Variants in RANBP2 observed in about 807,000 individuals in gnomAD.
RANBP2 encodes the protein RAN binding protein 2.
In RANBP2, 57 loss-of-function variants were observed where a neutral mutation model predicts 303.6. That is an observed-to-expected ratio of 0.19 (90% CI 0.15 to 0.23). The LOEUF (loss-of-function observed/expected upper bound fraction) is 0.23. Among genes scored for constraint, RANBP2 ranks in the 10% least tolerant of loss-of-function variants. The pLI is 1.00. For missense variants in RANBP2, 3,138 were observed against 3,780.8 expected (o/e 0.83, Z 4.46); for synonymous variants, 1,167 against 1,301.5 (o/e 0.90, Z 2.23).
chr2:108,790,053 A>C (rs376768360), downstream of RANBP2, among the ~76,000 whole-genome samples: 2 of 152,188 alleles, frequency 1.3e-5, no homozygotes, highest in African/African-American at 4.8e-5. Context: ...GACTTTTTTT[A>C]ATACAGTTTT....
At chr2:109,401,572 C>T in the RANBP2 span, among the ~76,000 whole-genome samples, 7 of 152,314 alleles carry the variant, frequency 4.6e-5, no homozygotes, top group South Asian at 1.2e-3. Context: ...AAGCTGCCCT[C>T]GGTGTTCCTT....
chr2:108,745,914 T>C (rs1203963810), intron 7 of RANBP2, among the ~76,000 whole-genome samples: 1 of 151,424 alleles, frequency 6.6e-6, no homozygotes, highest in Admixed American at 6.6e-5. Context: ...TTTTTTTTTT[T>C]TCTTTTTTTG....
chr2:109,485,840 T>C, the RANBP2 span, among the ~76,000 whole-genome samples: 3 of 152,248 alleles, frequency 2.0e-5, no homozygotes, highest in Non-Finnish European at 2.9e-5. Flanking sequence ...ACCTAGATCT[T>C]GAGAGCCAGG....
chr2:109,445,163 G>GA, the RANBP2 span, among the ~76,000 whole-genome samples: 2,073 of 152,310 alleles, frequency 0.014, 60 homozygotes, highest in African/African-American at 0.047. Context: ...TGAAAAATGT[G>GA]AAAGAGATGT....
the RANBP2 span, among the ~76,000 whole-genome samples, chr2:109,723,316 A>G: frequency 6.6e-6 from 1 of 151,846 alleles, no homozygotes; most frequent in Non-Finnish European, 1.5e-5. Context: ...ACGCCCGGCT[A>G]ATTTTTGTGT....
At position 108,767,572 on chromosome 2, in the gene RANBP2, G is replaced by T. The variant is rs779065979; in HGVS notation, c.7033G>T (p.Asp2345Tyr). 2 of 1,611,968 alleles carry T rather than the reference G, an allele frequency of 1.2e-6. No individual in the cohort carries two copies. Among genetic ancestry groups the T allele is most frequent in the Admixed American group, 1.7e-5 (1 of 60,012 alleles). The change falls in exon 20 of 29, where the codon GAT becomes TAT. Residue 2345 changes from aspartate to tyrosine, a missense_variant. Asp to Tyr is a radical substitution (Grantham distance 160, BLOSUM62 -3). Coordinates refer to ENST00000283195, the MANE Select transcript of RANBP2 (RefSeq NM_006267.5). ...GGCAAAACTCTACAGATATGATAAA[G>T]ATGTTGGTCAATGGAAAGAAAGGGG... The part of the protein sequence containing the change: ...HRAKLYRYDK[D>Y]VGQWKERGIG...
At chr2:109,002,637 C>T in the RANBP2 span, among the ~76,000 whole-genome samples, 10 of 152,154 alleles carry the variant, frequency 6.6e-5, 1 homozygote, top group Admixed American at 1.3e-4. Flanking sequence ...CTCTGCTCCC[C>T]GGCCACCCTC....
intron 4 of RANBP2, among the ~76,000 whole-genome samples, chr2:108,732,922 C>G (rs991860995): frequency 2.6e-5 from 4 of 152,194 alleles, no homozygotes; most frequent in African/African-American, 9.7e-5. Context: ...CTCCCAGGTT[C>G]AAGCGATTCT....
chr2:109,612,774 G>A, the RANBP2 span, among the ~76,000 whole-genome samples: 2 of 152,134 alleles, frequency 1.3e-5, no homozygotes, highest in Non-Finnish European at 2.9e-5. Flanking sequence ...GAAAATTTGA[G>A]ATTTTTAAAA....
the RANBP2 span, among the ~76,000 whole-genome samples, chr2:109,150,667 T>G: frequency 6.6e-6 from 1 of 152,034 alleles, no homozygotes; most frequent in Non-Finnish European, 1.5e-5. Flanking sequence ...CTGCCTCTGG[T>G]TCCAGTCTGG....
downstream of RANBP2, chr2:108,788,121 C>A: frequency 6.3e-7 from 1 of 1,589,192 alleles, no homozygotes; most frequent in Admixed American, 1.9e-5. Flanking sequence ...TTGGGGGTTT[C>A]AAAAATTTAA....
the RANBP2 span, among the ~76,000 whole-genome samples, chr2:109,635,344 G>A: frequency 0.22 from 33,039 of 152,008 alleles, 4,032 homozygotes; most frequent in Admixed American, 0.34. Context: ...CACAATGCCC[G>A]ACTAATTATT....
the RANBP2 span, among the ~76,000 whole-genome samples, chr2:109,490,025 AC>A: frequency 6.6e-6 from 1 of 152,208 alleles, no homozygotes; most frequent in South Asian, 2.1e-4. Flanking sequence ...GGCATGAGCC[AC>A]CGTGCCCAGC....
At chr2:108,929,486 A>G in the RANBP2 span, 1 of 1,222,756 alleles carries the variant, frequency 8.2e-7, no homozygotes, top group Non-Finnish European at 1.2e-6. Flanking sequence ...TCCAGAAGCT[A>G]CTCTTGCCGG....
the RANBP2 span, among the ~76,000 whole-genome samples, chr2:109,659,060 G>GC: frequency 0.086 from 11,394 of 133,158 alleles, 503 homozygotes; most frequent in African/African-American, 0.13. Flanking sequence ...GCGAGACTCC[G>GC]CCCCCCCGCC....
intron 15 of RANBP2, 53 bp from the exon 16 acceptor site, chr2:108,754,852 C>G: frequency 1.9e-6 from 3 of 1,608,016 alleles, no homozygotes; most frequent in Non-Finnish European, 2.5e-6. Context: ...AGAGTTTTTA[C>G]TTTTGGAATT....
At chr2:109,211,986 A>G in the RANBP2 span, among the ~76,000 whole-genome samples, 2 of 152,204 alleles carry the variant, frequency 1.3e-5, no homozygotes, top group African/African-American at 4.8e-5. Flanking sequence ...CCTGAATGTG[A>G]ATGCCACTGA....
the RANBP2 span, among the ~76,000 whole-genome samples, chr2:109,563,976 A>G: frequency 1.3e-5 from 2 of 152,276 alleles, no homozygotes; most frequent in African/African-American, 4.8e-5. Context: ...AATAAATAAA[A>G]CTAAGAAAAT....
the RANBP2 span, among the ~76,000 whole-genome samples, chr2:109,237,817 A>G: frequency 6.6e-6 from 1 of 152,262 alleles, no homozygotes; most frequent in African/African-American, 2.4e-5. Flanking sequence ...TTTCTACACA[A>G]AGTTTCCATT....
Sources: allele counts gnomAD v4.1 joint callset (sites outside exome capture counted in the v4.1 genomes callset), GRCh38; gene constraint gnomAD v4.1.1; transcripts MANE v1.5; gene names NCBI Gene and HGNC (gene_info 2026-07-23, HGNC 2026-07-21).